Variants in HYAL1 observed in about 807,000 individuals in gnomAD.
The protein encoded by HYAL1 is hyaluronidase-1.
Under a neutral mutation model 28.8 loss-of-function variants are expected in HYAL1, and 21 were observed. The ratio of observed to expected loss-of-function variants is 0.73; its 90% confidence interval spans 0.52 to 1.05. The LOEUF (loss-of-function observed/expected upper bound fraction) is 1.05. Among genes scored for constraint, HYAL1 ranks in the 50% least tolerant of loss-of-function variants. The pLI, the probability that HYAL1 is intolerant of heterozygous loss-of-function variation, is 0.00. For synonymous variants in HYAL1, 200 were observed against 230.1 expected (o/e 0.87, Z 1.18); for missense variants, 491 against 579.2 (o/e 0.85, Z 1.56).
In HYAL1 at chr3:50,302,788, C is replaced by A. The variant is rs782673830; in HGVS notation, c.169G>T (p.Asp57Tyr). 6.2e-7 allele frequency: 1 copy of A among 1,613,924 alleles called. No homozygotes were observed. The highest frequency in any genetic ancestry group is 8.5e-7 in the Non-Finnish European group (1 of 1,180,028). ...GTCTGCCCTGGGTTGGCTACCACAT[C>A]GAAGACACTGACATCCACGTCCACA... ...HGVDVDVSVF[D>Y]VVANPGQTFR... The change falls in exon 2 of 4, where the codon GAT (aspartate) becomes TAT (tyrosine). Residue 57 changes from aspartate to tyrosine, a missense_variant. Asp to Tyr is a radical substitution (Grantham distance 160). Transcript: ENST00000395144. This position sits in a 1 kb window ranked among gnomAD's most constrained non-coding sequence, Gnocchi z 5.0.
chr3:50,303,126 G>C (rs1487960427), intron 1 of HYAL1, 146 bp from the exon 2 acceptor site: 5 of 655,152 alleles, frequency 7.6e-6, no homozygotes, highest in Non-Finnish European at 1.3e-5. Flanking sequence ...CAGGAGGGCA[G>C]GGGAGACGCA....
At position 50,300,610 on chromosome 3, in the gene HYAL1, C is replaced by A. The variant is rs1414463383; in HGVS notation, c.1181G>T (p.Gly394Val). The change falls in exon 4 of 4, where the codon GGT becomes GTT. Residue 394 changes from glycine to valine, a missense_variant. Coordinates refer to ENST00000395144, the MANE Select transcript of HYAL1 (RefSeq NM_033159.4). ...PASFSIQLTP[G>V]GGPLSLRGAL... Reference sequence around the variant, plus strand: ...ACCCCGCAGGCTCAGGGGCCCACCACCAGGCGTGAGCTGGATGGAGAAACT... The same window carrying A: ...ACCCCGCAGGCTCAGGGGCCCACCAACAGGCGTGAGCTGGATGGAGAAACT... 1 of 1,614,208 alleles carries A rather than the reference C, an allele frequency of 6.2e-7. No individual in the cohort carries two copies. The highest frequency in any genetic ancestry group is 2.2e-5 in the East Asian group (1 of 44,886).
Position 50,300,340 on chromosome 3 carries a change from T to C in HYAL1, c.*143A>G, listed in dbSNP as rs1407544441. 3 of 797,860 alleles carry C rather than the reference T, an allele frequency of 3.8e-6. No homozygotes were observed. The East Asian group carries it at 7.7e-5, about 21-fold the overall frequency. The allele number at this position is 797,860 out of a possible 1,614,324, so 49.4% of individuals were successfully genotyped here. A position where few individuals can be genotyped will look rare whatever the true frequency, so the allele number is the denominator to read the frequency against. ...TCCAGTCTGTAAGTATGCATGTGTG[T>C]GCAGGGAATATGCCTGTGACAGTGG... is the stretch of plus-strand genomic sequence containing the variant. On this transcript the variant is annotated 3_prime_UTR_variant, in exon 4 of 4. Transcript: ENST00000395144.
intron 2 of HYAL1, among the ~76,000 whole-genome samples, chr3:50,301,755 A>G (rs1434068885): frequency 6.6e-6 from 1 of 152,178 alleles, no homozygotes; most frequent in African/African-American, 2.4e-5. Flanking sequence ...GATTGAGACC[A>G]TCCTGGCTAA....
At chr3:50,304,586 T>G (rs896031183), upstream of HYAL1, among the ~76,000 whole-genome samples, 2 of 151,734 alleles carry the variant, frequency 1.3e-5, no homozygotes, top group African/African-American at 4.8e-5. Flanking sequence ...ACATTTATAT[T>G]CTTCTTCTGA....
chr3:50,305,754 T>C (rs1167366752), upstream of HYAL1, among the ~76,000 whole-genome samples: 1 of 151,040 alleles, frequency 6.6e-6, no homozygotes, highest in Non-Finnish European at 1.5e-5. Flanking sequence ...CAGGCTGGTC[T>C]TGAACTCCTG....
upstream of HYAL1, among the ~76,000 whole-genome samples, chr3:50,307,089 G>A (rs1228843412): frequency 9.5e-5 from 14 of 147,970 alleles, no homozygotes; most frequent in East Asian, 9.9e-4. Context: ...AAAATAAGCC[G>A]GGTGCAGTGG....
chr3:50,300,047 G>A lies in HYAL1; in HGVS notation c.*436C>T, dbSNP rs587729250. 4.0e-6 allele frequency: 1 copy of A among 253,076 alleles called. No homozygotes were observed. Among genetic ancestry groups the A allele is most frequent in the East Asian group, 9.7e-5 (1 of 10,288 alleles). 15.7% of individuals were successfully genotyped at this position (253,076 alleles called of 1,614,324 possible). A position where few individuals can be genotyped will look rare whatever the true frequency, so the allele number is the denominator to read the frequency against. On this transcript the variant is annotated 3_prime_UTR_variant, in exon 4 of 4. Coordinates refer to ENST00000395144, the MANE Select transcript of HYAL1 (RefSeq NM_033159.4). ...ATCTCAACTTCTCCCTTTTCTTGCTGTGCAACCTTGGGCAACGTGCTTACT... is the reference window on the plus strand; with the variant it reads ...ATCTCAACTTCTCCCTTTTCTTGCTATGCAACCTTGGGCAACGTGCTTACT...
At chr3:50,307,320 T>C (rs1347508471), upstream of HYAL1, among the ~76,000 whole-genome samples, 3 of 149,246 alleles carry the variant, frequency 2.0e-5, no homozygotes, top group African/African-American at 7.6e-5. Context: ...GCTGAGATCA[T>C]GCCACTGCAC....
Position 50,300,647 on chromosome 3 carries a change from G to A in HYAL1, c.1144C>T (p.Leu382Phe), listed in dbSNP as rs781942660. 3.1e-6 allele frequency: 5 copies of A among 1,614,032 alleles called. No individual in the cohort carries two copies. The highest frequency in any genetic ancestry group is 4.2e-6 in the Non-Finnish European group (5 of 1,179,956). ...RTSHPKALLL[L>F]NPASFSIQLT... Reference sequence around the variant, plus strand: ...TGGATGGAGAAACTGGCAGGGTTAAGGAGGAGGAGGGCTTTGGGGTGGCTG... The same window carrying A: ...TGGATGGAGAAACTGGCAGGGTTAAAGAGGAGGAGGGCTTTGGGGTGGCTG... Residue 382 changes from leucine (L) to phenylalanine (F), a missense_variant, in exon 4 of 4, where the codon CTT (leucine) becomes TTT (phenylalanine). Coordinates refer to ENST00000395144, the MANE Select transcript of HYAL1 (RefSeq NM_033159.4).
chr3:50,312,030 C>T (rs868913058), intron 1 of HYAL1, among the ~76,000 whole-genome samples: 1 of 137,046 alleles, frequency 7.3e-6, no homozygotes, highest in African/African-American at 2.6e-5. Flanking sequence ...CTGTCCCCCC[C>T]ACCTCCCTCC....
upstream of HYAL1, among the ~76,000 whole-genome samples, chr3:50,304,287 AAAAAAAAAAATATATAT>A (rs1702283162): frequency 1.6e-5 from 1 of 62,830 alleles, no homozygotes; most frequent in South Asian, 5.6e-4. Context: ...AAAAAAAAAA[AAAAAAAAAAATATATAT>A]ATATATATAT....
upstream of HYAL1, among the ~76,000 whole-genome samples, chr3:50,307,093 G>A (rs1369868869): frequency 2.0e-5 from 3 of 148,336 alleles, no homozygotes; most frequent in Non-Finnish European, 4.5e-5. Context: ...TAAGCCGGGT[G>A]CAGTGGCTCA....
At chr3:50,306,966 A>G (rs972208558), upstream of HYAL1, among the ~76,000 whole-genome samples, 1 of 151,164 alleles carries the variant, frequency 6.6e-6, no homozygotes, top group Non-Finnish European at 1.5e-5. Context: ...GCTATTCAGG[A>G]GGCTGAGGCA....
At chr3:50,311,111 T>C (rs1464144227) in intron 1 of HYAL1, among the ~76,000 whole-genome samples, 1 of 152,024 alleles carries the variant, frequency 6.6e-6, no homozygotes, top group Non-Finnish European at 1.5e-5. Context: ...CAATGAGCTG[T>C]TGGGTACACC....
At chr3:50,303,050 G>C (rs148999238) in intron 1 of HYAL1, 70 bp from the exon 2 acceptor site, 21 of 1,228,506 alleles carry the variant, frequency 1.7e-5, no homozygotes, top group Non-Finnish European at 2.4e-5. Context: ...AGGGCTGGGG[G>C]GCTGAGCCCT....
chr3:50,307,888 G>A (rs587610453), upstream of HYAL1, among the ~76,000 whole-genome samples: 7 of 144,084 alleles, frequency 4.9e-5, no homozygotes, highest in East Asian at 4.3e-4. Flanking sequence ...CTTGCCTCCC[G>A]GGTTCACGCC....
chr3:50,304,292 AAAAAATATATATAT>A (rs1291896304), upstream of HYAL1, among the ~76,000 whole-genome samples: 2 of 51,654 alleles, frequency 3.9e-5, no homozygotes, highest in African/African-American at 7.8e-5. Flanking sequence ...AAAAAAAAAA[AAAAAATATATATAT>A]ATATATATAT....
At chr3:50,312,350 G>A (rs1410169355) in exon 1 of HYAL1, 15 of 171,830 alleles carry the variant, frequency 8.7e-5, no homozygotes, top group African/African-American at 2.4e-4. Flanking sequence ...CATCCCGGAC[G>A]GGGCGACAGG....
Sources: allele counts gnomAD v4.1 joint callset (sites outside exome capture counted in the v4.1 genomes callset), GRCh38; gene constraint gnomAD v4.1.1; non-coding constraint Gnocchi (gnomAD v3.1); transcripts MANE v1.5; gene names NCBI Gene and HGNC (gene_info 2026-07-23, HGNC 2026-07-21).